OPCML: variants seen among roughly 807,000 people sequenced by gnomAD.
The protein encoded by OPCML is opioid-binding protein/cell adhesion molecule.
Under a neutral mutation model 37.8 loss-of-function variants are expected in OPCML, and 13 were observed. The ratio of observed to expected loss-of-function variants is 0.34; its 90% confidence interval spans 0.22 to 0.55. The LOEUF is 0.55. Among genes scored for constraint, OPCML ranks in the 20% least tolerant of loss-of-function variants. The probability of loss-of-function intolerance (pLI) is 0.91; values close to 1 mark genes in which losing one functional copy is unlikely to be tolerated. For missense variants in OPCML, 341 were observed against 435.6 expected (o/e 0.78, Z 1.93); for synonymous variants, 176 against 168.8 (o/e 1.04, Z -0.33).
intron 1 of OPCML, among the ~76,000 whole-genome samples, chr11:133,327,792 G>A (rs1174499476): frequency 2.0e-5 from 3 of 152,124 alleles, no homozygotes; most frequent in East Asian, 3.9e-4. Flanking sequence ...GCAGAGTTCG[G>A]GGACCCTGGG....
At chr11:133,244,600 T>A (rs1205630031) in intron 1 of OPCML, among the ~76,000 whole-genome samples, 1 of 152,110 alleles carries the variant, frequency 6.6e-6, no homozygotes, top group East Asian at 1.9e-4. Context: ...GGGGAATGGA[T>A]CACAGGGCAG....
At chr11:132,556,590 T>C (rs1370787005) in intron 3 of OPCML, among the ~76,000 whole-genome samples, 1 of 152,140 alleles carries the variant, frequency 6.6e-6, no homozygotes, top group Non-Finnish European at 1.5e-5. Context: ...AGAAACTTCC[T>C]AGGAATGTGA....
intron 1 of OPCML, among the ~76,000 whole-genome samples, chr11:133,283,758 T>C (rs1250619378): frequency 6.6e-6 from 1 of 152,184 alleles, no homozygotes; most frequent in Non-Finnish European, 1.5e-5. Flanking sequence ...GGCCCCGGTA[T>C]ATGAGGTTCA....
chr11:133,341,534 A>T (rs1219352087), intron 1 of OPCML, among the ~76,000 whole-genome samples: 2 of 152,196 alleles, frequency 1.3e-5, no homozygotes, highest in African/African-American at 4.8e-5. Context: ...ACCCTACAGG[A>T]AGATTTGCCT....
chr11:132,536,300 A>G (rs2096340658), intron 3 of OPCML, among the ~76,000 whole-genome samples: 1 of 152,224 alleles, frequency 6.6e-6, no homozygotes, highest in Admixed American at 6.5e-5. Flanking sequence ...ACTGTATGTC[A>G]GAGTTAGAAA....
At chr11:133,425,803 A>G (rs774852854) in intron 1 of OPCML, among the ~76,000 whole-genome samples, 8 of 152,192 alleles carry the variant, frequency 5.3e-5, no homozygotes, top group Non-Finnish European at 1.2e-4. Context: ...GAATACATTC[A>G]TCTCCTTGAT....
chr11:133,220,251 T>A (rs1197441751), intron 1 of OPCML, among the ~76,000 whole-genome samples: 2 of 152,102 alleles, frequency 1.3e-5, no homozygotes, highest in Admixed American at 6.6e-5. Flanking sequence ...AGGGAGTGGC[T>A]TCCTTATCTG....
Position 133,277,673 on chromosome 11 carries a change from T to G in OPCML, c.61+254591A>C, listed in dbSNP as rs567046392. Among the ~76,000 whole-genome samples, 8 of 152,258 alleles carry G rather than the reference T, an allele frequency of 5.3e-5. No homozygotes were observed. In the South Asian group the frequency reaches 1.7e-3, roughly 32 times the overall value. On this transcript the variant is annotated intron_variant, in intron 1 of 7. Transcript: ENST00000524381. Reference sequence around the variant, plus strand: ...GTATTCCTTTCAGATCCAGTACATGTATCCAGTGTATATATACATATACAT... The same window carrying G: ...GTATTCCTTTCAGATCCAGTACATGGATCCAGTGTATATATACATATACAT...
At chr11:133,358,779 C>A (rs1944348173) in intron 1 of OPCML, among the ~76,000 whole-genome samples, 1 of 152,088 alleles carries the variant, frequency 6.6e-6, no homozygotes, top group Admixed American at 6.5e-5. Context: ...GACTCGCTGG[C>A]ATTTGAGCAG....
chr11:132,958,399 A>C (rs1428940924), intron 1 of OPCML, among the ~76,000 whole-genome samples: 1 of 152,234 alleles, frequency 6.6e-6, no homozygotes, highest in East Asian at 1.9e-4. Context: ...ATAGAAGTAC[A>C]AGATGAAGCA....
intron 2 of OPCML, among the ~76,000 whole-genome samples, chr11:132,752,578 T>C (rs1189032887): frequency 2.6e-5 from 4 of 152,006 alleles, no homozygotes; most frequent in African/African-American, 9.7e-5. Flanking sequence ...TCTGTAGAAG[T>C]TGATCCTCTA....
intron 1 of OPCML, among the ~76,000 whole-genome samples, chr11:133,315,047 AAACCT>A (rs1470787128): frequency 7.9e-5 from 12 of 152,168 alleles, no homozygotes; most frequent in Non-Finnish European, 1.2e-4. Flanking sequence ...GAACCATGTA[AAACCT>A]AACTAAATAA....
chr11:133,441,915 T>C (rs1366406301), intron 1 of OPCML, among the ~76,000 whole-genome samples: 1 of 152,164 alleles, frequency 6.6e-6, no homozygotes, highest in Non-Finnish European at 1.5e-5. Context: ...GTAATTCAAA[T>C]ACAAATTTCA....
At chr11:132,420,546 C>T (rs757771503) in intron 7 of OPCML, 1 of 290,816 alleles carries the variant, frequency 3.4e-6, no homozygotes, top group Non-Finnish European at 5.1e-6. Flanking sequence ...TCAGGCTAGT[C>T]ATTGAGGCCC....
At chr11:133,034,096 C>A (rs1357866138) in intron 1 of OPCML, among the ~76,000 whole-genome samples, 1 of 152,146 alleles carries the variant, frequency 6.6e-6, no homozygotes. Context: ...GCCAACCATG[C>A]TTTCAGTGGT....
intron 1 of OPCML, among the ~76,000 whole-genome samples, chr11:133,168,588 A>G (rs1950246063): frequency 6.6e-6 from 1 of 152,242 alleles, no homozygotes; most frequent in Non-Finnish European, 1.5e-5. Context: ...TACAGTTTAT[A>G]AAATTTATGG....
chr11:133,365,464 A>G (rs1178120239), intron 1 of OPCML: 1 of 152,102 alleles, frequency 6.6e-6, no homozygotes. Flanking sequence ...ATCTCCTTAT[A>G]TAAGGTGCTA....
At chr11:132,850,940 G>C (rs748046568) in intron 2 of OPCML, among the ~76,000 whole-genome samples, 36 of 152,178 alleles carry the variant, frequency 2.4e-4, no homozygotes, top group Non-Finnish European at 4.9e-4. Flanking sequence ...AGATAATATA[G>C]AACAGAGGTT....
At chr11:132,694,179 C>CTTTTTTTTTTTT (rs1162305568) in intron 2 of OPCML, among the ~76,000 whole-genome samples, 1 of 43,016 alleles carries the variant, frequency 2.3e-5, no homozygotes, top group African/African-American at 9.1e-5. Context: ...AAATCAATGT[C>CTTTTTTTTTTTT]TTTTTTTTTT....
Sources: allele counts gnomAD v4.1 joint callset (sites outside exome capture counted in the v4.1 genomes callset), GRCh38; gene constraint gnomAD v4.1.1; transcripts MANE v1.5; gene names NCBI Gene and HGNC (gene_info 2026-07-23, HGNC 2026-07-21).